Variants in SGCZ observed in about 807,000 individuals in gnomAD.
The protein encoded by SGCZ is zeta-sarcoglycan.
Under a neutral mutation model 41.3 loss-of-function variants are expected in SGCZ, and 40 were observed. The ratio of observed to expected loss-of-function variants is 0.97; its 90% CI spans 0.75 to 1.26. The LOEUF is 1.26. Among genes scored for constraint, SGCZ ranks in the 50% most tolerant of loss-of-function variants. The pLI is 0.00. For synonymous variants in SGCZ, 206 were observed against 137.5 expected, an observed-to-expected ratio of 1.50 and a Z score of -3.49; for missense variants, 552 against 369.8, an observed-to-expected ratio of 1.49 and a Z score of -4.04.
Position 14,745,353 on chromosome 8 carries a change from G to A in SGCZ, c.40-190427C>T, listed in dbSNP as rs531616060. Among the ~76,000 whole-genome samples, 9 of 152,280 alleles carry A rather than the reference G, an allele frequency of 5.9e-5. No individual in the cohort carries two copies. The South Asian group carries it at 1.9e-3, about 32-fold the overall frequency. On this transcript the variant is annotated intron_variant, in intron 1 of 7. Coordinates refer to ENST00000382080, the MANE Select transcript of SGCZ (RefSeq NM_139167.4). ...GTCAACCTAAGTCTTTTGGAAGCTA[G>A]ATCTGTATAATACATATTGATCTGT...
intron 1 of SGCZ, among the ~76,000 whole-genome samples, chr8:14,911,600 G>T (rs976786405): frequency 6.6e-6 from 1 of 151,942 alleles, no homozygotes; most frequent in African/African-American, 2.4e-5. Flanking sequence ...ACTGAGAAAT[G>T]TATCTTGAAT....
At chr8:14,316,290 A>G (rs1028733133) in intron 3 of SGCZ, among the ~76,000 whole-genome samples, 8 of 152,036 alleles carry the variant, frequency 5.3e-5, no homozygotes, top group African/African-American at 1.9e-4. Context: ...AAATATTAGT[A>G]AACTTAATTC....
chr8:15,059,817 G>A (rs1804850462), intron 1 of SGCZ, among the ~76,000 whole-genome samples: 1 of 152,142 alleles, frequency 6.6e-6, no homozygotes, highest in South Asian at 2.1e-4. Flanking sequence ...AGAACTCCCG[G>A]TTAATGCCTT....
intron 1 of SGCZ, among the ~76,000 whole-genome samples, chr8:14,972,031 G>T (rs1034193906): frequency 6.6e-6 from 1 of 151,956 alleles, no homozygotes; most frequent in African/African-American, 2.4e-5. Context: ...TTGGTTTCGG[G>T]TTATTACTGG....
chr8:14,208,517 T>C (rs558408953), intron 4 of SGCZ, among the ~76,000 whole-genome samples: 40 of 152,322 alleles, frequency 2.6e-4, no homozygotes, highest in East Asian at 7.7e-4. Context: ...ACATTAACAA[T>C]TGAAACATGA....
intron 2 of SGCZ, among the ~76,000 whole-genome samples, chr8:14,497,753 A>G (rs1194559592): frequency 6.6e-6 from 1 of 152,100 alleles, no homozygotes; most frequent in East Asian, 1.9e-4. Context: ...AATACCTCCC[A>G]CTGGGTCCCA....
intron 1 of SGCZ, among the ~76,000 whole-genome samples, chr8:15,069,216 T>C (rs1288912126): frequency 6.6e-6 from 1 of 152,152 alleles, no homozygotes; most frequent in African/African-American, 2.4e-5. Flanking sequence ...TGTTTTTTGG[T>C]AGAGACAGGG....
intron 1 of SGCZ, among the ~76,000 whole-genome samples, chr8:14,658,640 T>G (rs976010676): frequency 6.6e-6 from 1 of 152,174 alleles, no homozygotes; most frequent in African/African-American, 2.4e-5. Flanking sequence ...TAATTTGTTA[T>G]CCTTTTGCCT....
intron 1 of SGCZ, among the ~76,000 whole-genome samples, chr8:15,092,312 T>C (rs1021525617): frequency 2.0e-5 from 3 of 152,220 alleles, no homozygotes; most frequent in Non-Finnish European, 4.4e-5. Flanking sequence ...TACAGTATAA[T>C]CAATCCTTAG....
chr8:14,953,338 G>C (rs534167443), intron 1 of SGCZ, among the ~76,000 whole-genome samples: 2 of 152,138 alleles, frequency 1.3e-5, no homozygotes, highest in Non-Finnish European at 2.9e-5. Context: ...GATGTCTTGA[G>C]AACTCTGTCA....
chr8:14,729,713 A>C (rs924587921), intron 1 of SGCZ, among the ~76,000 whole-genome samples: 1 of 152,204 alleles, frequency 6.6e-6, no homozygotes, highest in Non-Finnish European at 1.5e-5. Flanking sequence ...CTAGAAATTT[A>C]TTATGGCAGC....
chr8:14,676,247 G>C (rs1044751352), intron 1 of SGCZ, among the ~76,000 whole-genome samples: 14 of 152,124 alleles, frequency 9.2e-5, no homozygotes, highest in Non-Finnish European at 1.3e-4. Flanking sequence ...CAATGCAGAA[G>C]GATCTCTTAA....
intron 1 of SGCZ, among the ~76,000 whole-genome samples, chr8:15,164,383 G>A (rs938323643): frequency 2.0e-5 from 3 of 152,010 alleles, no homozygotes; most frequent in African/African-American, 4.8e-5. Context: ...TGACAGAACA[G>A]CTCCCAGCCA....
intron 1 of SGCZ, among the ~76,000 whole-genome samples, chr8:15,217,199 C>A (rs1439904271): frequency 6.6e-6 from 1 of 151,910 alleles, no homozygotes; most frequent in Admixed American, 6.6e-5. Context: ...GGGCGGATCA[C>A]GAGGTCAGGA....
rs554793764 is a variant in SGCZ, at chr8:15,223,549, C to T, written c.39+14036G>A. Among the ~76,000 whole-genome samples the T allele has an allele frequency of 6.8e-4, 103 of 152,280 alleles. 1 individual carries two copies. The highest frequency in any genetic ancestry group is 2.3e-3 in the African/African-American group (94 of 41,564). On this transcript the variant is annotated intron_variant, in intron 1 of 7. Coordinates refer to ENST00000382080, the MANE Select transcript of SGCZ (RefSeq NM_139167.4). ...TCTGTATTTGATCCAGTAACCAAAA[C>T]AGAAGACTAAAAGAGATGGTGCTAT... is the stretch of plus-strand genomic sequence containing the variant.
At chr8:15,126,226 A>T (rs1299740160) in intron 1 of SGCZ, among the ~76,000 whole-genome samples, 2 of 152,206 alleles carry the variant, frequency 1.3e-5, no homozygotes, top group African/African-American at 2.4e-5. Flanking sequence ...TATCACAATG[A>T]TTAATGCTGT....
intron 1 of SGCZ, among the ~76,000 whole-genome samples, chr8:14,676,100 A>T (rs1808268833): frequency 6.6e-6 from 1 of 152,206 alleles, no homozygotes; most frequent in Non-Finnish European, 1.5e-5. Flanking sequence ...GATCAACCCA[A>T]CTCAGGAATA....
intron 1 of SGCZ, among the ~76,000 whole-genome samples, chr8:15,191,244 G>C (rs1800527232): frequency 1.3e-5 from 2 of 151,928 alleles, no homozygotes; most frequent in South Asian, 4.1e-4. Context: ...TATTGTTCAA[G>C]ACTGAAAAAT....
intron 1 of SGCZ, among the ~76,000 whole-genome samples, chr8:14,913,926 A>C (rs886114728): frequency 1.8e-4 from 28 of 152,192 alleles, no homozygotes; most frequent in African/African-American, 6.3e-4. Context: ...AATCCCTGAA[A>C]GATCTAATTT....
Sources: allele counts gnomAD v4.1 joint callset (sites outside exome capture counted in the v4.1 genomes callset), GRCh38; gene constraint gnomAD v4.1.1; transcripts MANE v1.5; gene names NCBI Gene and HGNC (gene_info 2026-07-23, HGNC 2026-07-21).